Variants in BNC2 observed in about 807,000 individuals in gnomAD.
BNC2 encodes zinc finger protein basonuclin-2.
Under a neutral mutation model 76.3 loss-of-function variants are expected in BNC2, and 20 were observed. The ratio of observed to expected loss-of-function variants is 0.26; its 90% CI spans 0.18 to 0.38. The LOEUF (loss-of-function observed/expected upper bound fraction) is 0.38. Among genes scored for constraint, BNC2 ranks in the 10% least tolerant of loss-of-function variants. The pLI is 1.00. For synonymous variants in BNC2, 582 were observed against 514.8 expected, an observed-to-expected ratio of 1.13 and a Z score of -1.77; for missense variants, 1,382 against 1,399.8, an observed-to-expected ratio of 0.99 and a Z score of 0.20.
In BNC2 at chr9:16,727,716, A is replaced by C. The variant is rs149155446; in HGVS notation, c.330+81T>G. The C allele has an allele frequency of 2.0e-5, 25 of 1,227,292 alleles. No homozygotes were observed. The East Asian group carries it at 5.8e-4, about 29-fold the overall frequency. The allele number at this position is 1,227,292 out of a possible 1,614,324, so 76.0% of individuals were successfully genotyped here. A position where few individuals can be genotyped will look rare whatever the true frequency, so the allele number is the denominator to read the frequency against. ...TTTTAAAAAGTATTTAGAAAGAAAA[A>C]CACCAGAAACAAAAGTGCCCATAAC... On this transcript the variant is annotated intron_variant, in intron 3 of 6. Coordinates refer to ENST00000380672, the MANE Select transcript of BNC2 (RefSeq NM_017637.6).
In BNC2 at chr9:16,436,901, C is replaced by T. The variant is rs1335032401; in HGVS notation, c.1293G>A (p.Arg431=). 1.2e-6 allele frequency: 2 copies of T among 1,614,126 alleles called. No homozygotes were observed. The highest frequency in any genetic ancestry group is 1.7e-6 in the Non-Finnish European group (2 of 1,180,032). ...TTCCTTTCCTAGAGGCTGACCCCATCCTTCTCATCCGATGAATCCGGAATG... is the reference window on the plus strand; with the variant it reads ...TTCCTTTCCTAGAGGCTGACCCCATTCTTCTCATCCGATGAATCCGGAATG... ...KSSFRIHRMR[R]MGSASRKGRV... Residue 431 remains arginine, a synonymous_variant, in exon 6 of 7, where the codon AGG becomes AGA. Coordinates refer to ENST00000380672, the MANE Select transcript of BNC2 (RefSeq NM_017637.6).
chr9:16,527,079 G>A (rs1018718885), intron 5 of BNC2, among the ~76,000 whole-genome samples: 1 of 152,164 alleles, frequency 6.6e-6, no homozygotes, highest in Non-Finnish European at 1.5e-5. Flanking sequence ...GAGGAAGAGA[G>A]GAAGCAAGAG....
At chr9:16,590,163 G>A (rs942771698) in intron 3 of BNC2, among the ~76,000 whole-genome samples, 1 of 152,006 alleles carries the variant, frequency 6.6e-6, no homozygotes, top group African/African-American at 2.4e-5. Flanking sequence ...TTAATAAAAT[G>A]CTCTAATGGA....
chr9:16,832,689 T>C (rs1372808104), intron 1 of BNC2, among the ~76,000 whole-genome samples: 1 of 152,120 alleles, frequency 6.6e-6, no homozygotes, highest in East Asian at 1.9e-4. Flanking sequence ...TGGTAAGAGC[T>C]GAACAAAACC....
chr9:16,808,800 AG>A (rs1817975392), intron 1 of BNC2, among the ~76,000 whole-genome samples: 1 of 152,114 alleles, frequency 6.6e-6, no homozygotes, highest in African/African-American at 2.4e-5. Flanking sequence ...AAACACTGTA[AG>A]GTCTGTGAAT....
At chr9:16,539,817 AGGAAAGGAAAGGAAGGGAAG>A (rs1818262580) in intron 5 of BNC2, among the ~76,000 whole-genome samples, 2 of 137,842 alleles carry the variant, frequency 1.5e-5, no homozygotes, top group Non-Finnish European at 3.1e-5. Flanking sequence ...AGGAAAGGAA[AGGAAAGGAAAGGAAGGGAAG>A]GGAAGGGAAG....
chr9:16,793,489 T>C (rs1817567453), intron 1 of BNC2, among the ~76,000 whole-genome samples: 1 of 152,066 alleles, frequency 6.6e-6, no homozygotes, highest in Non-Finnish European at 1.5e-5. Context: ...TTGTCCTTTT[T>C]ATTTTTTTTG....
chr9:16,535,299 G>A (rs1051942455), intron 5 of BNC2, among the ~76,000 whole-genome samples: 12 of 152,168 alleles, frequency 7.9e-5, no homozygotes, highest in African/African-American at 2.9e-4. Context: ...TTCAAAAAAG[G>A]AATTTCATAG....
intron 5 of BNC2, among the ~76,000 whole-genome samples, chr9:16,519,801 A>G (rs1414430625): frequency 1.3e-5 from 2 of 152,232 alleles, no homozygotes; most frequent in African/African-American, 2.4e-5. Context: ...CTCAAGTCAT[A>G]CAACTGGCAA....
intron 3 of BNC2, among the ~76,000 whole-genome samples, chr9:16,659,397 C>T (rs1298569119): frequency 6.6e-6 from 1 of 151,958 alleles, no homozygotes; most frequent in Non-Finnish European, 1.5e-5. Flanking sequence ...ATCAGGAGGT[C>T]AGGAGATTGA....
At chr9:16,706,591 T>A (rs951656452) in intron 3 of BNC2, among the ~76,000 whole-genome samples, 2 of 152,186 alleles carry the variant, frequency 1.3e-5, no homozygotes, top group African/African-American at 4.8e-5. Context: ...AAAACCAAAT[T>A]GTCTTCTTTA....
intron 3 of BNC2, among the ~76,000 whole-genome samples, chr9:16,630,801 G>A (rs906973862): frequency 1.3e-5 from 2 of 149,752 alleles, no homozygotes; most frequent in African/African-American, 5.0e-5. Context: ...GGGCAACGGT[G>A]CGATCTCGGC....
intron 5 of BNC2, among the ~76,000 whole-genome samples, chr9:16,500,408 T>A (rs367590787): frequency 1.1e-3 from 175 of 152,314 alleles, no homozygotes; most frequent in African/African-American, 4.1e-3. Flanking sequence ...GGGAACCATA[T>A]GAAAGCTGAT....
At chr9:16,843,728 G>T (rs563750428) in intron 1 of BNC2, among the ~76,000 whole-genome samples, 24 of 152,320 alleles carry the variant, frequency 1.6e-4, no homozygotes, top group African/African-American at 5.5e-4. Flanking sequence ...GGTTTACCAT[G>T]TAAGACTACA....
intron 1 of BNC2, among the ~76,000 whole-genome samples, chr9:16,771,687 A>C (rs897343591): frequency 1.3e-5 from 2 of 152,240 alleles, no homozygotes; most frequent in Non-Finnish European, 2.9e-5. Context: ...TAAAGGTGTC[A>C]CTATTCACAG....
At chr9:16,862,578 T>C (rs1819437461) in intron 1 of BNC2, among the ~76,000 whole-genome samples, 1 of 152,190 alleles carries the variant, frequency 6.6e-6, no homozygotes, top group Non-Finnish European at 1.5e-5. Flanking sequence ...AAACAGCCAG[T>C]CACCTGCGTA....
At chr9:16,642,417 T>C (rs577263087) in intron 3 of BNC2, among the ~76,000 whole-genome samples, 2 of 152,300 alleles carry the variant, frequency 1.3e-5, no homozygotes, top group South Asian at 2.1e-4. Flanking sequence ...CTTTGAAAGG[T>C]AGAGTACATA....
chr9:16,612,122 A>G (rs1438365354), intron 3 of BNC2, among the ~76,000 whole-genome samples: 1 of 151,908 alleles, frequency 6.6e-6, no homozygotes, highest in South Asian at 2.1e-4. Context: ...GAATTGTGCA[A>G]CAAAGTGTTA....
At chr9:16,573,681 G>C (rs118051355) in intron 4 of BNC2, among the ~76,000 whole-genome samples, 1 of 152,112 alleles carries the variant, frequency 6.6e-6, no homozygotes, top group Non-Finnish European at 1.5e-5. Context: ...CTGGGTACCA[G>C]GGAGCAGCTG....
Sources: gnomAD v4.1 joint callset for allele counts (sites outside exome capture counted in the v4.1 genomes callset) on GRCh38, gnomAD v4.1.1 for gene constraint, MANE v1.5 for transcripts, NCBI Gene and HGNC (gene_info 2026-07-23, HGNC 2026-07-21) for gene names.